Variants in COL28A1 observed in about 807,000 individuals in gnomAD.
COL28A1 encodes collagen type XXVIII alpha 1 chain, also known as collagen alpha-1(XXVIII) chain.
A neutral mutation model predicts 150.2 loss-of-function variants in COL28A1; 161 were observed. That is an observed-to-expected ratio of 1.07 (90% CI 0.94 to 1.22). COL28A1 has a LOEUF of 1.22. COL28A1 is among the 50% of genes most tolerant of loss of function. The probability of loss-of-function intolerance (pLI) is 0.00; values close to 1 mark genes in which losing one functional copy is unlikely to be tolerated. For missense variants in COL28A1, 1,617 were observed against 1,388.3 expected (o/e 1.16, Z -2.62); for synonymous variants, 552 against 469.7 (o/e 1.18, Z -2.26).
At position 7,373,447 on chromosome 7, in the gene COL28A1, A is replaced by G. The variant is rs1781344042; in HGVS notation, c.2459T>C (p.Phe820Ser). Reference protein sequence around the residue: ...GPENFQIIKNFVKTMADRVAL... With the variant: ...GPENFQIIKNSVKTMADRVAL... ...AACCCGGTCAGCCATAGTCTTCACA[A>G]AATTTTTAATGATCTGAAAGTTCTC... Residue 820 changes from phenylalanine to serine, a missense_variant, in exon 32 of 35, where the codon TTT (phenylalanine) becomes TCT (serine). By Grantham distance (155) the Phe-to-Ser change is radical. Transcript: ENST00000399429. The surrounding 1 kb of genome is among the most constrained non-coding windows in gnomAD (Gnocchi z 4.1). 6.2e-7 allele frequency: 1 copy of G among 1,614,042 alleles called. No individual in the cohort carries two copies. The highest frequency in any genetic ancestry group is 1.3e-5 in the African/African-American group (1 of 74,914).
chr7:7,439,233 C>G (rs1442230451), intron 21 of COL28A1, among the ~76,000 whole-genome samples: 2 of 152,120 alleles, frequency 1.3e-5, no homozygotes, highest in Non-Finnish European at 2.9e-5. Flanking sequence ...ATTGATTAGC[C>G]AATACAACCA....
At position 7,424,431 on chromosome 7, in the gene COL28A1, T is replaced by C. The variant is rs145416108; in HGVS notation, c.1999-4478A>G. 5.8e-3 allele frequency among the ~76,000 whole-genome samples: 885 copies of C among 152,284 alleles called. 9 individuals carry two copies. The highest frequency in any genetic ancestry group is 0.02 in the African/African-American group (846 of 41,566). ...CTGGTTTTGTCATAAGGCAGCACCGTAGGTACCTAAGAAGTGCGTTGACCT... is the reference window on the plus strand; with the variant it reads ...CTGGTTTTGTCATAAGGCAGCACCGCAGGTACCTAAGAAGTGCGTTGACCT... On this transcript the variant is annotated intron_variant, in intron 25 of 34. Transcript: ENST00000399429.
At position 7,488,874 on chromosome 7, in the gene COL28A1, G is replaced by A. The variant is rs117181925; in HGVS notation, c.1164+515C>T. On this transcript the variant is annotated intron_variant, in intron 13 of 34. Transcript: ENST00000399429. ...TTCAAGTTGATTCATCTTGTAAGAA[G>A]TTACAGTAAAAGAGAGTTGGTGTAA... Among the ~76,000 whole-genome samples the A allele has an allele frequency of 7.9e-5, 12 of 152,308 alleles. No homozygotes were observed. The East Asian group carries it at 2.3e-3, about 29-fold the overall frequency.
chr7:7,511,714 A>G (rs769048177), intron 8 of COL28A1: 68 of 470,400 alleles, frequency 1.4e-4, no homozygotes, highest in Admixed American at 1.2e-4. Context: ...GTGAGATTGC[A>G]TCGTGAGTTA....
At chr7:7,528,403 T>C (rs1782149321) in intron 3 of COL28A1, among the ~76,000 whole-genome samples, 1 of 152,192 alleles carries the variant, frequency 6.6e-6, no homozygotes. Context: ...CTCTTTTGAG[T>C]AATTCAGAAC....
At position 7,476,324 on chromosome 7, in the gene COL28A1, C is replaced by CA. The variant is rs151088271; in HGVS notation, c.1233+787dup. Among the ~76,000 whole-genome samples the CA allele has an allele frequency of 8.1e-3, 1,240 of 152,278 alleles. 18 individuals carry two copies. Among genetic ancestry groups the CA allele is most frequent in the African/African-American group, 0.028 (1,180 of 41,536 alleles). On this transcript the variant is annotated intron_variant, in intron 14 of 34. Coordinates refer to ENST00000399429, the MANE Select transcript of COL28A1 (RefSeq NM_001037763.3). Reference sequence around the variant, plus strand: ...GGAAAACACTTTTTAACATGCCCTTCAGCAAATGTGCCAAAGATTATATAC... The same window carrying CA: ...GGAAAACACTTTTTAACATGCCCTTCAAGCAAATGTGCCAAAGATTATATAC...
chr7:7,380,982 T>C (rs1294625), intron 28 of COL28A1, 120 bp from the exon 29 acceptor site: 622,991 of 813,832 alleles, frequency 0.77, 244,200 homozygotes, highest in East Asian at 0.9. Flanking sequence ...TTCTTGTTTA[T>C]ACAAATGCAG....
At chr7:7,462,817 C>T (rs7780426) in intron 15 of COL28A1, among the ~76,000 whole-genome samples, 14,545 of 150,660 alleles carry the variant, frequency 0.097, 891 homozygotes, top group Middle Eastern at 0.21. Flanking sequence ...GCTAAGATCA[C>T]GCCATTGCAC....
downstream of COL28A1, among the ~76,000 whole-genome samples, chr7:7,354,033 T>A (rs1443408768): frequency 2.0e-5 from 3 of 152,078 alleles, no homozygotes; most frequent in Non-Finnish European, 4.4e-5. Flanking sequence ...AAAAAAATTT[T>A]TTTTTTTTGA....
chr7:7,389,456 C>T (rs1237483926), intron 27 of COL28A1, among the ~76,000 whole-genome samples: 1 of 152,100 alleles, frequency 6.6e-6, no homozygotes, highest in African/African-American at 2.4e-5. Flanking sequence ...GTCCTTTTTG[C>T]TTAAGATTGT....
chr7:7,410,752 A>C (rs866924018), intron 27 of COL28A1, among the ~76,000 whole-genome samples: 6 of 152,060 alleles, frequency 3.9e-5, no homozygotes, highest in African/African-American at 1.4e-4. Context: ...TGCTCTCTTC[A>C]TAATTAACAC....
intron 27 of COL28A1, among the ~76,000 whole-genome samples, chr7:7,393,399 G>A (rs1432499834): frequency 6.6e-6 from 1 of 152,146 alleles, no homozygotes; most frequent in Non-Finnish European, 1.5e-5. Context: ...GTCTGCTGGT[G>A]GGAGGTGTCT....
chr7:7,441,303 G>C lies in COL28A1; in HGVS notation c.1651-442C>G, dbSNP rs17167775. ...ACAGCCCTATTTCGTCCTCACTGGGGAGTCTAATTCTTTCCCCCAAAAGAG... is the reference window on the plus strand; with the variant it reads ...ACAGCCCTATTTCGTCCTCACTGGGCAGTCTAATTCTTTCCCCCAAAAGAG... On this transcript the variant is annotated intron_variant, in intron 20 of 34. Coordinates refer to ENST00000399429, the MANE Select transcript of COL28A1 (RefSeq NM_001037763.3). Among the ~76,000 whole-genome samples, 91 of 152,140 alleles carry C rather than the reference G, an allele frequency of 6.0e-4. 2 individuals are homozygous for C. In the East Asian group the frequency reaches 0.016, roughly 26 times the overall value.
intron 27 of COL28A1, among the ~76,000 whole-genome samples, chr7:7,383,635 T>TA (rs1277007760): frequency 2.7e-5 from 4 of 148,248 alleles, no homozygotes; most frequent in South Asian, 4.3e-4. Context: ...TCCAATTTTT[T>TA]AAAAAAACCT....
chr7:7,434,801 T>A (rs17167690), intron 23 of COL28A1, among the ~76,000 whole-genome samples: 15,429 of 152,230 alleles, frequency 0.1, 937 homozygotes, highest in Middle Eastern at 0.21. Flanking sequence ...GCCACTTGGC[T>A]TTTCTGTACT....
rs1440580064 is a variant in COL28A1 at position 7,437,434 on chromosome 7, C to G, written c.1751G>C (p.Gly584Ala). Residue 584 changes from glycine (G) to alanine (A), a missense_variant, in exon 22 of 35, where the codon GGA becomes GCA. By Grantham distance (60) the Gly-to-Ala change is moderately conservative. Transcript: ENST00000399429. ...KGEPGIMGPF[G>A]MPGTSIPGPP... Reference sequence around the variant, plus strand: ...TCCAGGAATTGATGTTCCAGGCATTCCAAAAGGGCCCATAATGCCCGGTTC... The same window carrying G: ...TCCAGGAATTGATGTTCCAGGCATTGCAAAAGGGCCCATAATGCCCGGTTC... 1.2e-6 allele frequency: 2 copies of G among 1,613,350 alleles called. No individual in the cohort carries two copies. Among genetic ancestry groups the G allele is most frequent in the African/African-American group, 1.3e-5 (1 of 74,832 alleles).
At chr7:7,461,636 T>C (rs1020121988) in intron 15 of COL28A1, among the ~76,000 whole-genome samples, 11 of 152,086 alleles carry the variant, frequency 7.2e-5, no homozygotes, top group African/African-American at 2.7e-4. Flanking sequence ...CCTGACAACC[T>C]GTATGGCACA....
chr7:7,392,474 G>A (rs1288998555), intron 27 of COL28A1, among the ~76,000 whole-genome samples: 2 of 152,164 alleles, frequency 1.3e-5, no homozygotes, highest in African/African-American at 2.4e-5. Context: ...TTCTCGAGGA[G>A]TATCTTTGTG....
In COL28A1 at chr7:7,399,954, A is replaced by G. The variant is rs530182488; in HGVS notation, c.2136+17905T>C. On this transcript the variant is annotated intron_variant, in intron 27 of 34. Coordinates refer to ENST00000399429, the MANE Select transcript of COL28A1 (RefSeq NM_001037763.3). Reference sequence around the variant, plus strand: ...TGACCTGTGTGGCCACAGCTGCTACAATAGCAGCAGGAATGGGGCCTCCAA... The same window carrying G: ...TGACCTGTGTGGCCACAGCTGCTACGATAGCAGCAGGAATGGGGCCTCCAA... Among the ~76,000 whole-genome samples, 73 of 152,374 alleles carry G rather than the reference A, an allele frequency of 4.8e-4. No homozygotes were observed. The East Asian group carries it at 0.013, about 28-fold the overall frequency.
Sources: allele counts gnomAD v4.1 joint callset (sites outside exome capture counted in the v4.1 genomes callset), GRCh38; gene constraint gnomAD v4.1.1; non-coding constraint Gnocchi (gnomAD v3.1); transcripts MANE v1.5; gene names NCBI Gene and HGNC (gene_info 2026-07-23, HGNC 2026-07-21).